Variants in C1orf159 observed in about 807,000 individuals in gnomAD.
The protein encoded by C1orf159 is chromosome 1 open reading frame 159.
C1orf159 carries 19 observed loss-of-function variants against 25.6 expected under a neutral mutation model. The observed-to-expected ratio is 0.74, with a 90% CI of 0.52 to 1.09. The LOEUF (loss-of-function observed/expected upper bound fraction) is 1.09, where lower values mean the gene tolerates loss of function less well. Among genes scored for constraint, C1orf159 ranks in the 50% least tolerant of loss-of-function variants. The pLI is 0.00. For missense variants in C1orf159, 274 were observed against 290.6 expected (o/e 0.94, Z 0.42); for synonymous variants, 139 against 124.7 (o/e 1.12, Z -0.77).
intron 1 of C1orf159, among the ~76,000 whole-genome samples, chr1:1,099,112 C>A (rs1053881876): frequency 2.6e-5 from 4 of 151,842 alleles, no homozygotes; most frequent in Non-Finnish European, 2.9e-5. Context: ...AGGTTAAAAT[C>A]TCTGACGATG....
intron 1 of C1orf159, among the ~76,000 whole-genome samples, chr1:1,103,670 T>C (rs562314720): frequency 1.3e-5 from 2 of 152,188 alleles, no homozygotes; most frequent in Non-Finnish European, 2.9e-5. Context: ...CGAGGAGCTA[T>C]GGGTGCCTAG....
At chr1:1,113,514 C>T (rs1267008385) in intron 1 of C1orf159, among the ~76,000 whole-genome samples, 1 of 151,790 alleles carries the variant, frequency 6.6e-6, no homozygotes, top group Non-Finnish European at 1.5e-5. Flanking sequence ...TGCCTCAGTC[C>T]CTCGAGTAGC....
chr1:1,091,447 G>T, intron 3 of C1orf159, 25 bp downstream of exon 3: 1 of 1,546,830 alleles, frequency 6.5e-7, no homozygotes, highest in Non-Finnish European at 8.7e-7. Context: ...CTTAGGCCGC[G>T]TGGACACGTG....
chr1:1,087,387 G>T lies in C1orf159; in HGVS notation c.244+115C>A. 8.3e-7 allele frequency: 1 copy of T among 1,208,022 alleles called. No homozygotes were observed. The highest frequency in any genetic ancestry group is 1.1e-6 in the Non-Finnish European group (1 of 872,176). The allele number at this position is 1,208,022 out of a possible 1,614,324, so 74.8% of individuals were successfully genotyped here. ...TCGGGAAGAGGGGGCTCCCGGGGCT[G>T]TTCCCCAGTGGACAGTGGCTCTGGG... is the stretch of plus-strand genomic sequence containing the variant. On this transcript the variant is annotated intron_variant, in intron 5 of 9. Coordinates refer to ENST00000421241, the MANE Select transcript of C1orf159 (RefSeq NM_017891.5). The surrounding 1 kb of genome is among the most constrained non-coding windows in gnomAD (Gnocchi z 8.3).
chr1:1,094,464 G>T (rs1302712959), intron 1 of C1orf159, among the ~76,000 whole-genome samples: 1 of 151,748 alleles, frequency 6.6e-6, no homozygotes, highest in East Asian at 1.9e-4. Context: ...GCAGTGGCGT[G>T]ATCTCAGTTC....
intron 1 of C1orf159, among the ~76,000 whole-genome samples, chr1:1,114,485 G>T (rs185604994): frequency 6.6e-6 from 1 of 152,206 alleles, no homozygotes; most frequent in African/African-American, 2.4e-5. Context: ...GAGAGCAGCC[G>T]CAAGGCAGGG....
intron 3 of C1orf159, chr1:1,091,200 G>A (rs968574994): frequency 4.9e-6 from 3 of 615,280 alleles, no homozygotes; most frequent in East Asian, 5.5e-5. Flanking sequence ...ACCGCTGGCA[G>A]AGGTGCTCCC....
At position 1,085,935 on chromosome 1, in the gene C1orf159, A is replaced by C. The variant is rs201998414; in HGVS notation, c.388T>G (p.Phe130Val). ...TTACTGGAGCGCTTGAGGTAGAAGA[A>C]CCCAGCTACGGAGAGGATGAGGCCG... ...SSGLILSVAG[F>V]FYLKRSSKLP... The change falls in exon 7 of 10, where the codon TTC (phenylalanine) becomes GTC (valine). Residue 130 changes from phenylalanine to valine, a missense_variant. Physicochemically the swap from Phe to Val is conservative, Grantham distance 50 (BLOSUM62 -1). Coordinates refer to ENST00000421241, the MANE Select transcript of C1orf159 (RefSeq NM_017891.5). 411 of 1,613,388 alleles carry C rather than the reference A, an allele frequency of 2.5e-4. No homozygotes were observed. Among genetic ancestry groups the C allele is most frequent in the Non-Finnish European group, 3.2e-4 (374 of 1,179,794 alleles).
chr1:1,093,101 T>C (rs1164584279), intron 1 of C1orf159, among the ~76,000 whole-genome samples: 2 of 152,126 alleles, frequency 1.3e-5, no homozygotes, highest in African/African-American at 2.4e-5. Context: ...TCCTTTCAGA[T>C]GGAACGTGTT....
At position 1,087,564 on chromosome 1, in the gene C1orf159, G is replaced by A. The variant is rs1645851704; in HGVS notation, c.182C>T (p.Ala61Val). The A allele has an allele frequency of 4.5e-6, 7 of 1,548,782 alleles. No homozygotes were observed. Among genetic ancestry groups the A allele is most frequent in the Non-Finnish European group, 6.1e-6 (7 of 1,146,632 alleles). ...TCCGTTCCCACAGCGGACGCAGCTG[G>A]CGCTCCCGTCCGCGTTCCAGCGCCT... ...CYRRWNADGS[A>V]SCVRCGNGTL... The change falls in exon 5 of 10, where the codon GCC (alanine) becomes GTC (valine). Residue 61 changes from alanine (A) to valine (V), a missense_variant. Coordinates refer to ENST00000421241, the MANE Select transcript of C1orf159 (RefSeq NM_017891.5). The surrounding 1 kb of genome is among the most constrained non-coding windows in gnomAD (Gnocchi z 8.3).
intron 1 of C1orf159, among the ~76,000 whole-genome samples, chr1:1,103,927 C>T (rs1292819162): frequency 1.3e-5 from 2 of 151,920 alleles, no homozygotes; most frequent in South Asian, 2.1e-4. Context: ...AGCAATTCTC[C>T]GTCTCAGCCT....
In C1orf159 at chr1:1,084,946, C is replaced by T. The variant is rs374828778; in HGVS notation, c.446-440G>A. ...GGCTTCTGCCTCCATGGTGCCCCCGCGATGGGGGTGCCGTGGCATCGTGGC... is the reference window on the plus strand; with the variant it reads ...GGCTTCTGCCTCCATGGTGCCCCCGTGATGGGGGTGCCGTGGCATCGTGGC... On this transcript the variant is annotated intron_variant, in intron 7 of 9. Coordinates refer to ENST00000421241, the MANE Select transcript of C1orf159 (RefSeq NM_017891.5). Among the ~76,000 whole-genome samples, 9 of 152,288 alleles carry T rather than the reference C, an allele frequency of 5.9e-5. No individual in the cohort carries two copies. In the East Asian group the frequency reaches 1.4e-3, roughly 23 times the overall value.
chr1:1,088,257 G>A (rs1266701611), intron 4 of C1orf159, among the ~76,000 whole-genome samples: 1 of 57,762 alleles, frequency 1.7e-5, no homozygotes, highest in African/African-American at 7.5e-5. Context: ...GGTCCCCCAC[G>A]CCTCCCCGGG....
At chr1:1,098,843 C>T (rs1570321743) in intron 1 of C1orf159, among the ~76,000 whole-genome samples, 2 of 152,248 alleles carry the variant, frequency 1.3e-5, no homozygotes, top group East Asian at 1.9e-4. Flanking sequence ...AACTTCTGAC[C>T]TCAGGTGATC....
intron 7 of C1orf159, 117 bp from the exon 8 acceptor site, chr1:1,084,623 G>T: frequency 7.4e-7 from 1 of 1,343,254 alleles, no homozygotes; most frequent in Non-Finnish European, 1.0e-6. Flanking sequence ...CCAGTGCGGC[G>T]TCCTCGGAGC....
chr1:1,108,509 GGCA>G (rs1646210235), intron 1 of C1orf159, among the ~76,000 whole-genome samples: 2 of 47,424 alleles, frequency 4.2e-5, no homozygotes, highest in African/African-American at 1.4e-4. Context: ...ACCATGTCTC[GGCA>G]GCACCGTCCA....
chr1:1,107,141 A>G (rs1646185745), intron 1 of C1orf159, among the ~76,000 whole-genome samples: 1 of 152,154 alleles, frequency 6.6e-6, no homozygotes. Context: ...AGGGCTGAGG[A>G]GTGTAGCGCA....
chr1:1,088,256 C>T (rs1199386305), intron 4 of C1orf159, among the ~76,000 whole-genome samples: 2 of 94,842 alleles, frequency 2.1e-5, no homozygotes, highest in African/African-American at 4.4e-5. Context: ...GGGTCCCCCA[C>T]GCCTCCCCGG....
Position 1,083,000 on chromosome 1 carries a change from A to C in C1orf159, c.503-13T>G. ...CGCGGCTTCCGTACTGAAACGGGTC[A>C]GAGACAGGCGAGGTCAGAGTGGGAC... On this transcript the variant is annotated splice_polypyrimidine_tract_variant and intron_variant, in intron 9 of 9. Transcript: ENST00000421241. The C allele has an allele frequency of 6.3e-7, 1 of 1,579,632 alleles. No individual in the cohort carries two copies. The highest frequency in any genetic ancestry group is 8.6e-7 in the Non-Finnish European group (1 of 1,161,592).
Sources: gnomAD v4.1 joint callset for allele counts (sites outside exome capture counted in the v4.1 genomes callset) on GRCh38, gnomAD v4.1.1 for gene constraint, Gnocchi (gnomAD v3.1) non-coding constraint, MANE v1.5 for transcripts, NCBI Gene and HGNC (gene_info 2026-07-23, HGNC 2026-07-21) for gene names.